The following TASP1 variants were observed in gnomAD, a reference collection of about 807,000 sequenced individuals.
TASP1 encodes the protein taspase 1.
A neutral mutation model predicts 56.6 loss-of-function variants in TASP1; 16 were observed. The observed-to-expected ratio is 0.28, with a 90% CI of 0.19 to 0.43. The LOEUF is 0.43. TASP1 is among the 20% of genes least tolerant of loss of function. TASP1 has a pLI of 1.00. For missense variants in TASP1, 393 were observed against 511.6 expected, an observed-to-expected ratio of 0.77 and a Z score of 2.24; for synonymous variants, 179 against 184.2, an observed-to-expected ratio of 0.97 and a Z score of 0.23.
Position 13,465,441 on chromosome 20 carries a change from C to A in TASP1, c.985+17786G>T, listed in dbSNP as rs144512760. Reference sequence around the variant, plus strand: ...GTTCCTTAAACACCCAAAGACCCAGCAAACATACTTTTGGGCATTTATTGT... The same window carrying A: ...GTTCCTTAAACACCCAAAGACCCAGAAAACATACTTTTGGGCATTTATTGT... On this transcript the variant is annotated intron_variant, in intron 11 of 13. Transcript: ENST00000337743. Among the ~76,000 whole-genome samples the A allele has an allele frequency of 3.7e-3, 565 of 152,098 alleles. 2 individuals are homozygous for A. The highest frequency in any genetic ancestry group is 5.6e-3 in the Non-Finnish European group (384 of 67,982).
At chr20:13,332,806 T>C in the TASP1 span, among the ~76,000 whole-genome samples, 1 of 152,200 alleles carries the variant, frequency 6.6e-6, no homozygotes, top group Admixed American at 6.5e-5. Context: ...TCAATGCCAT[T>C]TTCTTCTTTC....
chr20:13,393,658 T>C (rs2041380959), intron 13 of TASP1: 4 of 1,306,282 alleles, frequency 3.1e-6, no homozygotes, highest in Non-Finnish European at 4.4e-6. Context: ...ATGGCCCACA[T>C]GGCCTCCAAG....
At chr20:13,534,340 G>A (rs1254925006) in intron 8 of TASP1, among the ~76,000 whole-genome samples, 199 bp from the exon 9 acceptor site, 1 of 151,030 alleles carries the variant, frequency 6.6e-6, no homozygotes, top group Non-Finnish European at 1.5e-5. Context: ...ATTTTCCACC[G>A]AGAAATCCCA....
chr20:13,454,144 C>T (rs1036709816), intron 11 of TASP1, among the ~76,000 whole-genome samples: 4 of 151,856 alleles, frequency 2.6e-5, no homozygotes, highest in African/African-American at 9.7e-5. Flanking sequence ...AGTAATCACA[C>T]TGGAAACCAT....
chr20:13,355,363 C>G, the TASP1 span, among the ~76,000 whole-genome samples: 1 of 152,132 alleles, frequency 6.6e-6, no homozygotes, highest in African/African-American at 2.4e-5. Context: ...TCATAAATTG[C>G]AGCAAAACCA....
At chr20:13,637,711 G>A (rs1235407102) in intron 1 of TASP1, among the ~76,000 whole-genome samples, 1 of 152,160 alleles carries the variant, frequency 6.6e-6, no homozygotes, top group Non-Finnish European at 1.5e-5. Flanking sequence ...TAGATTAGTG[G>A]TTACAAGGCC....
chr20:13,307,346 A>G, the TASP1 span, among the ~76,000 whole-genome samples: 16 of 152,208 alleles, frequency 1.1e-4, no homozygotes, highest in Admixed American at 1.0e-3. Context: ...TCACGGCTCA[A>G]TGAATTTTCA....
the TASP1 span, chr20:13,299,629 A>T: frequency 2.9e-6 from 2 of 682,592 alleles, no homozygotes; most frequent in South Asian, 2.4e-5. The surrounding 1 kb of genome is among the most constrained non-coding windows in gnomAD (Gnocchi z 5.8). Flanking sequence ...CGCCCAGGGG[A>T]CTGCCTTGTG....
chr20:13,633,020 G>A (rs2049155096), intron 1 of TASP1, among the ~76,000 whole-genome samples: 2 of 152,048 alleles, frequency 1.3e-5, no homozygotes, highest in Admixed American at 6.6e-5. Flanking sequence ...CAGAAAAACC[G>A]GAGCTAAGTT....
At chr20:13,169,934 C>A in the TASP1 span, among the ~76,000 whole-genome samples, 1 of 152,126 alleles carries the variant, frequency 6.6e-6, no homozygotes, top group East Asian at 1.9e-4. Context: ...TTCTTTTCAA[C>A]CTCATTAAAA....
intron 10 of TASP1, among the ~76,000 whole-genome samples, chr20:13,508,359 T>C (rs1383820627): frequency 2.6e-5 from 4 of 152,108 alleles, no homozygotes; most frequent in Non-Finnish European, 4.4e-5. Context: ...TAGTTGAGCA[T>C]ACCTAACCCA....
rs547446953 is a variant in TASP1 at position 13,438,186 on chromosome 20, C to T, written c.986-3032G>A. Among the ~76,000 whole-genome samples the T allele has an allele frequency of 4.6e-5, 7 of 152,194 alleles. No homozygotes were observed. In the East Asian group the frequency reaches 9.7e-4, roughly 21 times the overall value. On this transcript the variant is annotated intron_variant, in intron 11 of 13. Coordinates refer to ENST00000337743, the MANE Select transcript of TASP1 (RefSeq NM_017714.3). ...GTTCATATGGAACCAAAAAGGAGCC[C>T]GCATTGCCAAGTCAATCCTAAGCCA... is the stretch of plus-strand genomic sequence containing the variant.
the TASP1 span, among the ~76,000 whole-genome samples, chr20:13,332,694 G>T: frequency 5.9e-5 from 9 of 152,194 alleles, no homozygotes; most frequent in Admixed American, 3.3e-4. Context: ...GAAAAGAAAA[G>T]AAAATATAGA....
intron 10 of TASP1, among the ~76,000 whole-genome samples, chr20:13,496,647 T>A (rs1374889403): frequency 6.6e-6 from 1 of 151,954 alleles, no homozygotes; most frequent in East Asian, 1.9e-4. Flanking sequence ...GAAACCAACA[T>A]AAAGGGGCTC....
the TASP1 span, among the ~76,000 whole-genome samples, chr20:13,211,504 A>G: frequency 5.9e-5 from 9 of 152,118 alleles, no homozygotes; most frequent in African/African-American, 1.7e-4. Flanking sequence ...GGATTAGTAA[A>G]ATAGGCAAAA....
the TASP1 span, chr20:13,299,763 T>G: frequency 5.1e-4 from 148 of 287,926 alleles, 1 homozygote; most frequent in Non-Finnish European, 2.8e-4. This position sits in a 1 kb window ranked among gnomAD's most constrained non-coding sequence, Gnocchi z 5.8. Context: ...GCGACTCAAT[T>G]CACACCCGGA....
the TASP1 span, among the ~76,000 whole-genome samples, chr20:13,247,557 T>G: frequency 2.0e-5 from 3 of 147,032 alleles, no homozygotes; most frequent in East Asian, 6.0e-4. Context: ...TGTGTGTGTG[T>G]GTAGGTAGGT....
chr20:13,269,246 A>G, the TASP1 span, among the ~76,000 whole-genome samples: 1 of 152,232 alleles, frequency 6.6e-6, no homozygotes, highest in East Asian at 1.9e-4. Flanking sequence ...TGAAAATGCT[A>G]TCCCTGAAGG....
the TASP1 span, among the ~76,000 whole-genome samples, chr20:13,300,912 A>G: frequency 6.6e-6 from 1 of 152,252 alleles, no homozygotes; most frequent in Admixed American, 6.5e-5. Flanking sequence ...CAAAGGCTTA[A>G]GACAGCCCAG....
Sources: allele counts gnomAD v4.1 joint callset (sites outside exome capture counted in the v4.1 genomes callset), GRCh38; gene constraint gnomAD v4.1.1; non-coding constraint Gnocchi (gnomAD v3.1); transcripts MANE v1.5; gene names NCBI Gene and HGNC (gene_info 2026-07-23, HGNC 2026-07-21).